The following TARS2 variants were observed in gnomAD, a reference collection of about 807,000 sequenced individuals.
TARS2 encodes the protein threonyl-tRNA synthetase 2, mitochondrial, also known as threonine--tRNA ligase, mitochondrial.
Under a neutral mutation model 94.4 loss-of-function variants are expected in TARS2, and 61 were observed. The observed-to-expected ratio is 0.65, with a 90% CI of 0.53 to 0.80. The LOEUF is 0.80. Ranked by LOEUF, TARS2 falls within the 30% of genes least tolerant of loss-of-function variation. The probability of loss-of-function intolerance (pLI) is 0.00; values close to 1 mark genes in which losing one functional copy is unlikely to be tolerated. For synonymous variants in TARS2, 359 were observed against 353.4 expected, an observed-to-expected ratio of 1.02 and a Z score of -0.18; for missense variants, 704 against 902.5, an observed-to-expected ratio of 0.78 and a Z score of 2.82.
chr1:150,496,277 G>T (rs999931953), intron 7 of TARS2, among the ~76,000 whole-genome samples: 2 of 152,182 alleles, frequency 1.3e-5, no homozygotes, highest in African/African-American at 4.8e-5. Flanking sequence ...TGACCAGGTT[G>T]TATGTAGGAA....
chr1:150,496,956 G>A (rs1163418976), intron 9 of TARS2, 48 bp downstream of exon 9: 2 of 1,575,980 alleles, frequency 1.3e-6, no homozygotes, highest in Non-Finnish European at 1.7e-6. Flanking sequence ...AGGGGCTGAG[G>A]GACTAGAAGA....
chr1:150,489,254 G>A, intron 3 of TARS2, 167 bp downstream of exon 3: 5 of 989,098 alleles, frequency 5.1e-6, no homozygotes, highest in Non-Finnish European at 7.8e-6. Flanking sequence ...TATGGTGAAA[G>A]TTTTTAACTT....
intron 7 of TARS2, among the ~76,000 whole-genome samples, chr1:150,493,390 G>T (rs587655181): frequency 2.6e-5 from 4 of 152,258 alleles, no homozygotes; most frequent in African/African-American, 9.6e-5. Context: ...GAGAGGGGGC[G>T]TGGTCCAGGA....
chr1:150,501,992 A>C (rs1299475251), intron 13 of TARS2, among the ~76,000 whole-genome samples: 1 of 149,534 alleles, frequency 6.7e-6, no homozygotes, highest in Non-Finnish European at 1.5e-5. Flanking sequence ...GGCTCACTGC[A>C]ACCTCTGCCT....
chr1:150,487,833 CCTG>C (rs1669216231), intron 1 of TARS2, 22 bp from the exon 2 acceptor site: 2 of 1,604,806 alleles, frequency 1.2e-6, no homozygotes, highest in Non-Finnish European at 1.7e-6. Context: ...ACGTGTGTTA[CCTG>C]CTAATATATC....
Position 150,496,615 on chromosome 1 carries a change from G to T in TARS2, c.908G>T (p.Arg303Leu). ...GAGGAAGCAGAATTGCGGGACCACC[G>T]GCGCATTGGGAAGGTACAGGAATTG... is the stretch of plus-strand genomic sequence containing the variant. The part of the protein sequence containing the change: ...WREEAELRDH[R>L]RIGKEQELFF... Residue 303 changes from arginine (R) to leucine (L), a missense_variant, in exon 8 of 18, where the codon CGG (arginine) becomes CTG (leucine). Physicochemically the swap from Arg to Leu is moderately radical, Grantham distance 102. This residue lies in a region of TARS2 where 466 missense variants were observed against 609.5 expected (regional missense o/e 0.76). Coordinates refer to ENST00000369064, the MANE Select transcript of TARS2 (RefSeq NM_025150.5). 6.2e-7 allele frequency: 1 copy of T among 1,613,504 alleles called. No individual in the cohort carries two copies. The highest frequency in any genetic ancestry group is 1.1e-5 in the South Asian group (1 of 91,014).
intron 4 of TARS2, 132 bp downstream of exon 4, chr1:150,490,857 T>G: frequency 7.7e-7 from 1 of 1,296,424 alleles, no homozygotes; most frequent in Non-Finnish European, 1.1e-6. Context: ...ACTATGACAT[T>G]AGTATCTCCT....
intron 13 of TARS2, among the ~76,000 whole-genome samples, chr1:150,503,969 G>T (rs769224185): frequency 1.5e-4 from 23 of 151,942 alleles, no homozygotes; most frequent in Non-Finnish European, 3.4e-4. Flanking sequence ...TCAGAGTAGG[G>T]TGTCTGATGG....
intron 4 of TARS2, 29 bp from the exon 5 acceptor site, chr1:150,491,365 T>G (rs1441461135): frequency 1.2e-6 from 2 of 1,611,038 alleles, no homozygotes; most frequent in Non-Finnish European, 1.7e-6. Flanking sequence ...CCTCATAGGA[T>G]GCAACCCAAC....
In TARS2 at chr1:150,487,967, G is replaced by A. The variant is rs1334346951; in HGVS notation, c.176G>A (p.Arg59Gln). 1.9e-6 allele frequency: 3 copies of A among 1,613,886 alleles called. No homozygotes were observed. Among genetic ancestry groups the A allele is most frequent in the Non-Finnish European group, 2.5e-6 (3 of 1,180,032 alleles). The change falls in exon 2 of 18, where the codon CGG becomes CAG. Residue 59 changes from arginine to glutamine, a missense_variant. Arg to Gln is a conservative substitution (Grantham distance 43). This residue lies in a region of TARS2 where 208 missense variants were observed against 228.5 expected (regional missense o/e 0.91). Coordinates refer to ENST00000369064, the MANE Select transcript of TARS2 (RefSeq NM_025150.5). ...RLASMAQKEP[R>Q]TIKISLPGGQ... ...GCAAGCATGGCACAGAAGGAACCCCGGACTATTAAGATATCACTTCCTGGA... is the reference window on the plus strand; with the variant it reads ...GCAAGCATGGCACAGAAGGAACCCCAGACTATTAAGATATCACTTCCTGGA...
At chr1:150,503,545 A>ATGTGTGTGTGTGTGTG in intron 13 of TARS2, among the ~76,000 whole-genome samples, 1 of 95,618 alleles carries the variant, frequency 1.0e-5, no homozygotes, top group South Asian at 2.9e-4. Flanking sequence ...AAATACACAT[A>ATGTGTGTGTGTGTGTG]TGTGTGTGTG....
intron 13 of TARS2, among the ~76,000 whole-genome samples, chr1:150,500,148 G>A (rs746671467): frequency 6.6e-6 from 1 of 152,054 alleles, no homozygotes; most frequent in Non-Finnish European, 1.5e-5. Flanking sequence ...CTGCACTCCA[G>A]CCTGGGTGAT....
At chr1:150,505,119 CT>C in intron 16 of TARS2, 141 bp downstream of exon 16, 1 of 760,578 alleles carries the variant, frequency 1.3e-6, no homozygotes, top group Non-Finnish European at 2.1e-6. Flanking sequence ...CGAGTGGCTG[CT>C]GTCCTAGATG....
rs1254131275 is a variant in TARS2, at chr1:150,497,610, C to T, written c.1101C>T (p.His367=). 1 of 1,614,170 alleles carries T rather than the reference C, an allele frequency of 6.2e-7. No individual in the cohort carries two copies. Among genetic ancestry groups the T allele is most frequent in the Admixed American group, 1.7e-5 (1 of 60,002 alleles). ...FSTKLWEQSG[H]WEHYQEDMFA... is the part of the protein sequence containing the mutation. Reference sequence around the variant, plus strand: ...CGAAGCTCTGGGAACAGTCAGGGCACTGGGAGCATTATCAGGAAGACATGT... The same window carrying T: ...CGAAGCTCTGGGAACAGTCAGGGCATTGGGAGCATTATCAGGAAGACATGT... Residue 367 remains histidine (H), a synonymous_variant, in exon 10 of 18, where the codon CAC becomes CAT. Transcript: ENST00000369064.
intron 7 of TARS2, among the ~76,000 whole-genome samples, chr1:150,494,725 G>A (rs1310953008): frequency 6.6e-6 from 1 of 151,152 alleles, no homozygotes; most frequent in East Asian, 1.9e-4. Context: ...GCAACAGAGT[G>A]AGACTCTGTT....
In TARS2 at chr1:150,499,251, C is replaced by G. The variant is rs1434524617; in HGVS notation, c.1575C>G (p.Pro525=). The G allele has an allele frequency of 1.2e-6, 2 of 1,614,032 alleles. No homozygotes were observed. Among genetic ancestry groups the G allele is most frequent in the Non-Finnish European group, 1.7e-6 (2 of 1,180,036 alleles). Residue 525 remains proline (P), a synonymous_variant, in exon 13 of 18, where the codon CCC becomes CCG. Transcript: ENST00000369064. ...LKQALKEFGE[P]WDLNSGDGAF... is the part of the protein sequence containing the mutation. ...AGGCCCTGAAGGAATTTGGAGAACC[C>G]TGGGACCTCAACTCTGGAGATGGTG...
At chr1:150,490,544 A>G in intron 3 of TARS2, 57 bp from the exon 4 acceptor site, 1 of 1,579,032 alleles carries the variant, frequency 6.3e-7, no homozygotes, top group Non-Finnish European at 8.6e-7. Flanking sequence ...GAGCTCAGAG[A>G]TCTAGGGGTT....
At chr1:150,498,422 G>A in intron 10 of TARS2, 80 bp from the exon 11 acceptor site, 1 of 1,486,444 alleles carries the variant, frequency 6.7e-7, no homozygotes, top group South Asian at 1.4e-5. Flanking sequence ...AGAGAAAGTA[G>A]GCAAGCAGAT....
chr1:150,501,477 A>G (rs587608131), intron 13 of TARS2, among the ~76,000 whole-genome samples: 7 of 146,686 alleles, frequency 4.8e-5, no homozygotes, highest in South Asian at 4.4e-4. Flanking sequence ...ACCCATCACC[A>G]TCACCATGCC....
Sources: gnomAD v4.1 joint callset for allele counts (sites outside exome capture counted in the v4.1 genomes callset) on GRCh38, gnomAD v4.1.1 for gene constraint, gnomAD v4.1.1 regional missense constraint, MANE v1.5 for transcripts, NCBI Gene and HGNC (gene_info 2026-07-23, HGNC 2026-07-21) for gene names.